Variants in ADAM22 observed in about 807,000 individuals in gnomAD.
ADAM22 encodes disintegrin and metalloproteinase domain-containing protein 22.
Under a neutral mutation model 144.6 loss-of-function variants are expected in ADAM22, and 65 were observed. That is an observed-to-expected ratio of 0.45 (90% confidence interval 0.37 to 0.55). ADAM22 has a LOEUF of 0.55. ADAM22 is among the 20% of genes least tolerant of loss of function. ADAM22 has a pLI of 0.00. For synonymous variants in ADAM22, 391 were observed against 412.6 expected, an observed-to-expected ratio of 0.95 and a Z score of 0.63; for missense variants, 974 against 1,184.9, an observed-to-expected ratio of 0.82 and a Z score of 2.61.
At chr7:88,088,180 A>G (rs1818906862) in intron 4 of ADAM22, among the ~76,000 whole-genome samples, 1 of 152,156 alleles carries the variant, frequency 6.6e-6, no homozygotes, top group African/African-American at 2.4e-5. Context: ...TATTTAGGAA[A>G]ACTGAAAATG....
intron 4 of ADAM22, among the ~76,000 whole-genome samples, chr7:88,084,294 A>C (rs1398871515): frequency 2.0e-5 from 3 of 152,142 alleles, no homozygotes; most frequent in Non-Finnish European, 4.4e-5. Flanking sequence ...TGATTTTCCA[A>C]CCTGAGATTT....
At chr7:88,099,492 C>T (rs1346958268) in intron 4 of ADAM22, among the ~76,000 whole-genome samples, 3 of 152,032 alleles carry the variant, frequency 2.0e-5, no homozygotes, top group East Asian at 1.9e-4. Context: ...ACATGCCTGC[C>T]CTTTGCTTTG....
intron 3 of ADAM22, among the ~76,000 whole-genome samples, chr7:87,984,837 C>A (rs564749715): frequency 1.3e-5 from 2 of 152,010 alleles, no homozygotes; most frequent in Non-Finnish European, 2.9e-5. Context: ...TGCACCACCA[C>A]GCCCAGCTAA....
intron 3 of ADAM22, among the ~76,000 whole-genome samples, chr7:88,005,101 C>T (rs1484464085): frequency 6.6e-6 from 1 of 152,042 alleles, no homozygotes; most frequent in Admixed American, 6.6e-5. Context: ...TCAAGGCCAA[C>T]CTGGGCAATA....
chr7:88,173,932 A>G (rs886238503), intron 26 of ADAM22, among the ~76,000 whole-genome samples: 3 of 152,282 alleles, frequency 2.0e-5, no homozygotes, highest in East Asian at 1.9e-4. Context: ...AGAGGAAGGC[A>G]GCATTCATTG....
intron 29 of ADAM22, among the ~76,000 whole-genome samples, chr7:88,183,693 C>T (rs1224713070): frequency 6.6e-6 from 1 of 151,756 alleles, no homozygotes; most frequent in Non-Finnish European, 1.5e-5. Context: ...TTAAGGACTT[C>T]CTCAGATTTT....
intron 3 of ADAM22, among the ~76,000 whole-genome samples, chr7:88,006,043 A>G (rs1793763489): frequency 6.6e-6 from 1 of 152,146 alleles, no homozygotes; most frequent in African/African-American, 2.4e-5. Context: ...AGTCATTTTG[A>G]AATATCACTG....
At chr7:88,193,277 T>A (rs1412399344) in intron 31 of ADAM22, 38 bp downstream of exon 31, 6 of 1,601,392 alleles carry the variant, frequency 3.7e-6, no homozygotes, top group Non-Finnish European at 5.1e-6. Context: ...ACATGCTCAG[T>A]CATTATCATT....
At chr7:88,167,485 A>G (rs1843221644) in intron 24 of ADAM22, among the ~76,000 whole-genome samples, 1 of 152,144 alleles carries the variant, frequency 6.6e-6, no homozygotes, top group African/African-American at 2.4e-5. Flanking sequence ...TCTCTCTGCC[A>G]GTGTGGTGCT....
intron 2 of ADAM22, among the ~76,000 whole-genome samples, chr7:87,953,703 A>C (rs147655052): frequency 0.55 from 83,120 of 150,462 alleles, 23,349 homozygotes; most frequent in African/African-American, 0.62. Context: ...TCCTTGTTAA[A>C]TTTCTGTCTC....
rs117562286 is a variant in ADAM22, at chr7:88,028,972, A to G, written c.324-46654A>G. Reference sequence around the variant, plus strand: ...TTTATCCATTAAGCCACTCAATGCCATTTTAATTTTTTTAATTTTATTTTT... The same window carrying G: ...TTTATCCATTAAGCCACTCAATGCCGTTTTAATTTTTTTAATTTTATTTTT... On this transcript the variant is annotated intron_variant, in intron 3 of 31. Transcript: ENST00000413139. 8.3e-3 allele frequency among the ~76,000 whole-genome samples: 1,256 copies of G among 152,048 alleles called. 5 individuals are homozygous for G. The highest frequency in any genetic ancestry group is 0.014 in the Non-Finnish European group (981 of 67,918).
intron 2 of ADAM22, among the ~76,000 whole-genome samples, chr7:87,948,635 A>T (rs757391691): frequency 3.7e-4 from 57 of 152,282 alleles, no homozygotes; most frequent in Middle Eastern, 3.4e-3. Flanking sequence ...CAGGATAGGG[A>T]TCCATTGCTA....
intron 3 of ADAM22, among the ~76,000 whole-genome samples, chr7:88,032,756 G>A (rs967758389): frequency 1.9e-4 from 29 of 152,140 alleles, no homozygotes; most frequent in Non-Finnish European, 3.5e-4. Flanking sequence ...TGATTGGATT[G>A]TAATGGTTTA....
chr7:87,970,001 A>G (rs1378457574), intron 2 of ADAM22, among the ~76,000 whole-genome samples: 1 of 152,220 alleles, frequency 6.6e-6, no homozygotes, highest in Non-Finnish European at 1.5e-5. Context: ...CAATTTACAT[A>G]TAGGTAGACC....
At position 88,043,704 on chromosome 7, in the gene ADAM22, T is replaced by C. The variant is rs554577618; in HGVS notation, c.324-31922T>C. On this transcript the variant is annotated intron_variant, in intron 3 of 31. Coordinates refer to ENST00000413139, the MANE Select transcript of ADAM22 (RefSeq NM_001324418.2). Reference sequence around the variant, plus strand: ...CAAGCCTGGATAGTGAGACTCCATCTCTTAAAAAAAAAGAGAAGAAAATGT... The same window carrying C: ...CAAGCCTGGATAGTGAGACTCCATCCCTTAAAAAAAAAGAGAAGAAAATGT... Among the ~76,000 whole-genome samples the C allele has an allele frequency of 2.4e-3, 358 of 151,778 alleles. 1 individual carries two copies. Among genetic ancestry groups the C allele is most frequent in the African/African-American group, 8.3e-3 (343 of 41,420 alleles).
intron 3 of ADAM22, among the ~76,000 whole-genome samples, chr7:88,074,961 T>C (rs2129480136): frequency 6.6e-6 from 1 of 152,318 alleles, no homozygotes; most frequent in African/African-American, 2.4e-5. Flanking sequence ...ATGATAGTTT[T>C]ATTTATATTT....
At chr7:88,066,366 A>AT (rs1811246303) in intron 3 of ADAM22, among the ~76,000 whole-genome samples, 1 of 152,094 alleles carries the variant, frequency 6.6e-6, no homozygotes, top group Non-Finnish European at 1.5e-5. Flanking sequence ...TCACTCTATG[A>AT]TTTTTGGCCA....
intron 20 of ADAM22, among the ~76,000 whole-genome samples, chr7:88,151,629 G>A (rs1396334236): frequency 6.6e-6 from 1 of 152,188 alleles, no homozygotes; most frequent in Non-Finnish European, 1.5e-5. Flanking sequence ...TCAGCTCCAT[G>A]TATACTCTTC....
intron 14 of ADAM22, among the ~76,000 whole-genome samples, chr7:88,139,447 T>G (rs970894983): frequency 1.3e-5 from 2 of 150,526 alleles, no homozygotes; most frequent in African/African-American, 4.9e-5. Flanking sequence ...AATAAATAAA[T>G]AAATAAATAA....
Sources: allele counts gnomAD v4.1 joint callset (sites outside exome capture counted in the v4.1 genomes callset), GRCh38; gene constraint gnomAD v4.1.1; transcripts MANE v1.5; gene names NCBI Gene and HGNC (gene_info 2026-07-23, HGNC 2026-07-21).